The following DNMT3B variants were observed in gnomAD, a reference collection of about 807,000 sequenced individuals.
DNMT3B encodes the protein DNA (cytosine-5)-methyltransferase 3B.
DNMT3B carries 37 observed loss-of-function variants against 120.2 expected under a neutral mutation model. The ratio of observed to expected loss-of-function variants is 0.31; its 90% confidence interval spans 0.24 to 0.40. The LOEUF is 0.40. Ranked by LOEUF, DNMT3B falls within the 10% of genes least tolerant of loss-of-function variation. The probability of loss-of-function intolerance (pLI) is 1.00; values close to 1 mark genes in which losing one functional copy is unlikely to be tolerated. For missense variants in DNMT3B, 878 were observed against 1,137.3 expected (o/e 0.77, Z 3.28); for synonymous variants, 412 against 442.8 (o/e 0.93, Z 0.87).
intron 19 of DNMT3B, among the ~76,000 whole-genome samples, 160 bp downstream of exon 19, chr20:32,801,586 T>C (rs1981346686): frequency 6.6e-6 from 1 of 152,130 alleles, no homozygotes. Context: ...TCTTAGTACA[T>C]GGAAAATATT....
Position 32,762,510 on chromosome 20 carries a change from C to T in DNMT3B, c.-196C>T. On this transcript the variant is annotated 5_prime_UTR_variant, in exon 1 of 23. Coordinates refer to ENST00000328111, the MANE Select transcript of DNMT3B (RefSeq NM_006892.4). ...CGGACGGGACCGGCTCCCTGGCGGTCGGGCGAGCGGGCGGCAACGCTGCCC... is the reference window on the plus strand; with the variant it reads ...CGGACGGGACCGGCTCCCTGGCGGTTGGGCGAGCGGGCGGCAACGCTGCCC... 3.5e-6 allele frequency: 1 copy of T among 282,250 alleles called. No homozygotes were observed. The highest frequency in any genetic ancestry group is 7.4e-6 in the Non-Finnish European group (1 of 135,934). 17.5% of individuals were successfully genotyped at this position (282,250 alleles called of 1,614,324 possible). A position where few individuals can be genotyped will look rare whatever the true frequency, so the allele number is the denominator to read the frequency against.
chr20:32,781,293 G>A, intron 2 of DNMT3B, 60 bp from the exon 3 acceptor site: 1 of 1,594,030 alleles, frequency 6.3e-7, no homozygotes, highest in Non-Finnish European at 8.6e-7. Flanking sequence ...TATTAGCAAG[G>A]CCGTTCCCCA....
intron 1 of DNMT3B, among the ~76,000 whole-genome samples, chr20:32,767,726 G>A (rs1443169339): frequency 2.0e-5 from 3 of 152,184 alleles, no homozygotes; most frequent in African/African-American, 4.8e-5. Flanking sequence ...GAGCCTGTGC[G>A]CCCAGCTGTC....
chr20:32,796,895 A>T (rs753022899), intron 13 of DNMT3B, 26 bp downstream of exon 13: 1 of 1,613,974 alleles, frequency 6.2e-7, no homozygotes, highest in South Asian at 1.1e-5. Flanking sequence ...ACTGCCCTGG[A>T]CCTTCCTCCC....
At chr20:32,778,074 C>T (rs969563700) in intron 1 of DNMT3B, among the ~76,000 whole-genome samples, 28 of 152,312 alleles carry the variant, frequency 1.8e-4, no homozygotes, top group African/African-American at 6.3e-4. Context: ...TGTGGTGGCT[C>T]ACGCCTGTAA....
In DNMT3B at chr20:32,766,311, C is replaced by T. The variant is rs112192882; in HGVS notation, c.-7+3612C>T. Among the ~76,000 whole-genome samples the T allele has an allele frequency of 3.0e-3, 462 of 152,104 alleles. 3 individuals are homozygous for T. Among genetic ancestry groups the T allele is most frequent in the African/African-American group, 0.011 (437 of 41,510 alleles). ...TGAGCTGAGATCCTGCCACTGTTCTCCAGCCTGGGCGACAGACCGAGACCC... is the reference window on the plus strand; with the variant it reads ...TGAGCTGAGATCCTGCCACTGTTCTTCAGCCTGGGCGACAGACCGAGACCC... On this transcript the variant is annotated intron_variant, in intron 1 of 22. Transcript: ENST00000328111.
At chr20:32,780,242 G>T (rs1978426388) in intron 1 of DNMT3B, 76 bp from the exon 2 acceptor site, 2 of 1,613,338 alleles carry the variant, frequency 1.2e-6, no homozygotes, top group African/African-American at 1.3e-5. Flanking sequence ...AGAACACAGA[G>T]CCCATGGCGG....
At chr20:32,776,728 T>C (rs1988089627) in intron 1 of DNMT3B, among the ~76,000 whole-genome samples, 1 of 152,166 alleles carries the variant, frequency 6.6e-6, no homozygotes, top group Non-Finnish European at 1.5e-5. Context: ...GAAAAAAAGA[T>C]GACCTTATTG....
At chr20:32,763,146 C>T (rs973483820) in intron 1 of DNMT3B, among the ~76,000 whole-genome samples, 7 of 152,122 alleles carry the variant, frequency 4.6e-5, no homozygotes, top group African/African-American at 9.7e-5. Context: ...AGTTAAGGGG[C>T]AGAGGAGGTG....
At chr20:32,781,668 C>T (rs1019101339) in intron 3 of DNMT3B, among the ~76,000 whole-genome samples, 3 of 152,182 alleles carry the variant, frequency 2.0e-5, no homozygotes, top group South Asian at 2.1e-4. Flanking sequence ...AGTCAACTGC[C>T]GTCTGAAAGT....
rs6119960 is a variant in DNMT3B at position 32,787,184 on chromosome 20, C to T, written c.433-46C>T. On this transcript the variant is annotated intron_variant, in intron 5 of 22. Transcript: ENST00000328111. ...GGGGGTGCCGTTGGTCTCTGGTCACCGACATCCTTTGCTCTGGCCCAAACT... is the reference window on the plus strand; with the variant it reads ...GGGGGTGCCGTTGGTCTCTGGTCACTGACATCCTTTGCTCTGGCCCAAACT... 3.5e-3 allele frequency: 5,706 copies of T among 1,612,532 alleles called. 80 individuals are homozygous for T. In the African/African-American group the frequency reaches 0.042, roughly 12 times the overall value.
intron 2 of DNMT3B, 146 bp downstream of exon 2, chr20:32,780,611 A>G (rs1205643450): frequency 6.6e-6 from 9 of 1,353,846 alleles, no homozygotes; most frequent in East Asian, 2.5e-5. Flanking sequence ...GGAGGGATGC[A>G]GGGTCGAGCC....
chr20:32,765,965 G>C (rs1348262099), intron 1 of DNMT3B, among the ~76,000 whole-genome samples: 1 of 151,598 alleles, frequency 6.6e-6, no homozygotes, highest in East Asian at 2.0e-4. Context: ...CACCGTGTTC[G>C]CCAGGATGGT....
chr20:32,783,884 C>A (rs543881046), intron 3 of DNMT3B, among the ~76,000 whole-genome samples: 15 of 151,382 alleles, frequency 9.9e-5, no homozygotes, highest in African/African-American at 3.6e-4. Flanking sequence ...CACCACCATG[C>A]CCAGCTAACT....
chr20:32,769,496 G>T (rs542875832), intron 1 of DNMT3B, among the ~76,000 whole-genome samples: 184 of 152,286 alleles, frequency 1.2e-3, no homozygotes, highest in African/African-American at 4.3e-3. Flanking sequence ...CTCTCTGTGG[G>T]TTCAGCTGAC....
chr20:32,769,976 A>T (rs550252383), intron 1 of DNMT3B, among the ~76,000 whole-genome samples: 26 of 152,234 alleles, frequency 1.7e-4, no homozygotes, highest in South Asian at 2.1e-4. Context: ...TTTTTAAGAC[A>T]GGTCTCTGGA....
intron 8 of DNMT3B, among the ~76,000 whole-genome samples, 189 bp downstream of exon 8, chr20:32,791,897 A>G (rs1168582270): frequency 3.3e-5 from 5 of 152,228 alleles, no homozygotes; most frequent in African/African-American, 1.2e-4. Context: ...GAGACATCCC[A>G]GCTGCCACTT....
chr20:32,794,168 TGGGCAACA>T (rs1238254943), intron 10 of DNMT3B, among the ~76,000 whole-genome samples: 1 of 151,806 alleles, frequency 6.6e-6, no homozygotes, highest in Non-Finnish European at 1.5e-5. Context: ...AAGACCAGCC[TGGGCAACA>T]GGATGTAACC....
At chr20:32,770,147 C>G (rs554859485) in intron 1 of DNMT3B, among the ~76,000 whole-genome samples, 1 of 152,240 alleles carries the variant, frequency 6.6e-6, no homozygotes, top group East Asian at 1.9e-4. Context: ...GGGTCTTGCT[C>G]TGTCACTCAG....
Sources: gnomAD v4.1 joint callset for allele counts (sites outside exome capture counted in the v4.1 genomes callset) on GRCh38, gnomAD v4.1.1 for gene constraint, MANE v1.5 for transcripts, NCBI Gene and HGNC (gene_info 2026-07-23, HGNC 2026-07-21) for gene names.